The following ROCK2 variants were observed in gnomAD, a reference collection of about 807,000 sequenced individuals.
The protein encoded by ROCK2 is Rho associated coiled-coil containing protein kinase 2.
In ROCK2, 61 loss-of-function variants were observed where a neutral mutation model predicts 195.1. That is an observed-to-expected ratio of 0.31 (90% CI 0.25 to 0.39). The LOEUF is 0.39. ROCK2 is among the 10% of genes least tolerant of loss of function. The pLI is 1.00. For synonymous variants in ROCK2, 504 were observed against 545.5 expected, an observed-to-expected ratio of 0.92 and a Z score of 1.06; for missense variants, 1,109 against 1,637.4, an observed-to-expected ratio of 0.68 and a Z score of 5.57.
chr2:11,202,591 G>A (rs906276239), intron 20 of ROCK2, among the ~76,000 whole-genome samples: 3 of 151,960 alleles, frequency 2.0e-5, no homozygotes, highest in Non-Finnish European at 2.9e-5. Flanking sequence ...TCCGCCTCCC[G>A]GGTTCACGCC....
intron 1 of ROCK2, among the ~76,000 whole-genome samples, chr2:11,335,664 T>C (rs371425383): frequency 1.5e-3 from 235 of 152,260 alleles, no homozygotes; most frequent in African/African-American, 5.6e-3. Context: ...AAATAGAAAG[T>C]ATAATAAAGA....
chr2:11,308,985 A>G (rs1336774682), intron 1 of ROCK2: 1 of 1,604,750 alleles, frequency 6.2e-7, no homozygotes, highest in African/African-American at 1.3e-5. Context: ...TTTACCACTC[A>G]GTAGAAACCA....
At position 11,286,454 on chromosome 2, in the gene ROCK2, A is replaced by C. The variant is rs1057126461; in HGVS notation, c.324+85T>G. The C allele has an allele frequency of 1.4e-5, 12 of 830,550 alleles. No individual in the cohort carries two copies. The African/African-American group carries it at 1.9e-4, about 13-fold the overall frequency. The allele number at this position is 830,550 out of a possible 1,614,324, so 51.4% of individuals were successfully genotyped here. On this transcript the variant is annotated intron_variant, in intron 3 of 32. Transcript: ENST00000315872. ...CACCTTCTGGCATGGGTGGGCATAGAAATTAGATCTACTCAGCTGCTATTG... is the reference window on the plus strand; with the variant it reads ...CACCTTCTGGCATGGGTGGGCATAGCAATTAGATCTACTCAGCTGCTATTG...
At chr2:11,244,945 T>C (rs1043377816) in intron 4 of ROCK2, among the ~76,000 whole-genome samples, 2 of 152,128 alleles carry the variant, frequency 1.3e-5, no homozygotes, top group East Asian at 1.9e-4. Flanking sequence ...CAAGAGCCCA[T>C]GTTTAAATAA....
chr2:11,218,733 CAATT>C (rs1320636491), intron 10 of ROCK2, among the ~76,000 whole-genome samples: 16 of 152,254 alleles, frequency 1.1e-4, no homozygotes, highest in Middle Eastern at 3.4e-3. Flanking sequence ...TTTTGGCACT[CAATT>C]AAGCCTAAAG....
chr2:11,316,598 A>G (rs1449868104), intron 1 of ROCK2, among the ~76,000 whole-genome samples: 4 of 152,314 alleles, frequency 2.6e-5, no homozygotes, highest in South Asian at 4.1e-4. Context: ...TCAGGTATGC[A>G]GTCTTCATCT....
intron 3 of ROCK2, among the ~76,000 whole-genome samples, chr2:11,270,219 T>C (rs1666578785): frequency 6.6e-6 from 1 of 152,212 alleles, no homozygotes; most frequent in Non-Finnish European, 1.5e-5. Context: ...TCAGATAAAA[T>C]TCTTATCTTT....
chr2:11,219,081 T>TG, intron 9 of ROCK2, 55 bp from the exon 10 acceptor site: 1 of 961,010 alleles, frequency 1.0e-6, no homozygotes, highest in Non-Finnish European at 1.5e-6. Context: ...ATCTATGTGC[T>TG]GTTTTATTCA....
intron 3 of ROCK2, among the ~76,000 whole-genome samples, chr2:11,253,166 A>T (rs1558329696): frequency 6.6e-6 from 1 of 152,052 alleles, no homozygotes. Flanking sequence ...TACCCTATTC[A>T]GCGATGGAAG....
intron 20 of ROCK2, among the ~76,000 whole-genome samples, chr2:11,203,372 G>C (rs1663933347): frequency 6.6e-6 from 1 of 152,020 alleles, no homozygotes; most frequent in Non-Finnish European, 1.5e-5. Context: ...TATAGATAAA[G>C]GCACAGAAAA....
intron 3 of ROCK2, among the ~76,000 whole-genome samples, chr2:11,281,796 A>G (rs754344371): frequency 6.6e-6 from 1 of 152,220 alleles, no homozygotes; most frequent in Non-Finnish European, 1.5e-5. Context: ...AAATCTAACT[A>G]AACATGTATA....
At chr2:11,258,513 G>A (rs1363464318) in intron 3 of ROCK2, among the ~76,000 whole-genome samples, 1 of 151,356 alleles carries the variant, frequency 6.6e-6, no homozygotes, top group African/African-American at 2.5e-5. Flanking sequence ...ACTGTAGAAT[G>A]TAAGCTTAGC....
chr2:11,320,419 C>T (rs949753301), intron 1 of ROCK2, among the ~76,000 whole-genome samples: 1 of 152,134 alleles, frequency 6.6e-6, no homozygotes, highest in African/African-American at 2.4e-5. Context: ...TGGATCTCAC[C>T]TAAATACTTT....
At chr2:11,184,240 A>G (rs1243162593) in intron 32 of ROCK2, among the ~76,000 whole-genome samples, 1 of 152,202 alleles carries the variant, frequency 6.6e-6, no homozygotes, top group Non-Finnish European at 1.5e-5. Flanking sequence ...TAAAGTTTTT[A>G]TGCTTTCAAT....
At chr2:11,224,675 C>A (rs1443436959) in intron 6 of ROCK2, among the ~76,000 whole-genome samples, 1 of 151,250 alleles carries the variant, frequency 6.6e-6, no homozygotes, top group East Asian at 1.9e-4. Context: ...ATCCCTCATC[C>A]CTTAAAAGCA....
Position 11,249,686 on chromosome 2 carries a change from A to T in ROCK2, c.437T>A (p.Phe146Tyr). ...CTGAACCACCCAGGGGCTATTGGCA[A>T]AGGCCATAATATCTCTTTCTTCCCA... ...FFWEERDIMA[F>Y]ANSPWVVQLF... The change falls in exon 4 of 33, where the codon TTT (phenylalanine) becomes TAT (tyrosine). Residue 146 changes from phenylalanine to tyrosine, a missense_variant. Coordinates refer to ENST00000315872, the MANE Select transcript of ROCK2 (RefSeq NM_004850.5). The T allele has an allele frequency of 6.4e-7, 1 of 1,561,210 alleles. No individual in the cohort carries two copies. The highest frequency in any genetic ancestry group is 8.6e-7 in the Non-Finnish European group (1 of 1,157,596).
intron 1 of ROCK2, among the ~76,000 whole-genome samples, chr2:11,336,989 T>TC (rs1393227216): frequency 1.3e-5 from 2 of 152,206 alleles, no homozygotes; most frequent in African/African-American, 4.8e-5. Flanking sequence ...GTGCCTGTAA[T>TC]CCCAGCACTT....
intron 1 of ROCK2, among the ~76,000 whole-genome samples, chr2:11,336,712 T>G (rs1486204254): frequency 6.6e-6 from 1 of 152,206 alleles, no homozygotes; most frequent in African/African-American, 2.4e-5. Flanking sequence ...AACTTAATTT[T>G]TTTAAAATGG....
At chr2:11,204,897 C>T (rs2148049771) in intron 20 of ROCK2, among the ~76,000 whole-genome samples, 2 of 152,224 alleles carry the variant, frequency 1.3e-5, no homozygotes, top group South Asian at 4.1e-4. Flanking sequence ...GGCACTTTTC[C>T]TCTTTCATTA....
Sources: gnomAD v4.1 joint callset for allele counts (sites outside exome capture counted in the v4.1 genomes callset) on GRCh38, gnomAD v4.1.1 for gene constraint, MANE v1.5 for transcripts, NCBI Gene and HGNC (gene_info 2026-07-23, HGNC 2026-07-21) for gene names.